DGCR8: variants seen among roughly 807,000 people sequenced by gnomAD.
The protein encoded by DGCR8 is DGCR8 microprocessor complex subunit.
In DGCR8, 14 loss-of-function variants were observed where a neutral mutation model predicts 78.5. That is an observed-to-expected ratio of 0.18 (90% CI 0.12 to 0.28). The LOEUF (loss-of-function observed/expected upper bound fraction) is 0.28. Ranked by LOEUF, DGCR8 falls within the 10% of genes least tolerant of loss-of-function variation. DGCR8 has a pLI of 1.00. For synonymous variants in DGCR8, 399 were observed against 402.4 expected (o/e 0.99, Z 0.10); for missense variants, 702 against 1,022.5 (o/e 0.69, Z 4.28).
At chr22:20,088,406 A>G (rs939976665) in intron 3 of DGCR8, among the ~76,000 whole-genome samples, 1 of 152,308 alleles carries the variant, frequency 6.6e-6, no homozygotes, top group East Asian at 1.9e-4. Flanking sequence ...TCTGGCCTGG[A>G]TGCCTGGATG....
chr22:20,081,607 C>A (rs1474983682), intron 1 of DGCR8, among the ~76,000 whole-genome samples: 2 of 152,228 alleles, frequency 1.3e-5, no homozygotes, highest in African/African-American at 4.8e-5. Context: ...CTTAGACTCT[C>A]TTGTTGTAGC....
In DGCR8 at chr22:20,085,136, C is replaced by A; in HGVS notation, c.-277-551C>A. On this transcript the variant is annotated intron_variant, in intron 1 of 13. Coordinates refer to ENST00000351989, the MANE Select transcript of DGCR8 (RefSeq NM_022720.7). The surrounding 1 kb of genome is among the most constrained non-coding windows in gnomAD (Gnocchi z 6.2). ...CACGCTGCATCACTGTCCCCGTCCACGTGCTACCCTGTGGGCCCAGGAGAG... is the reference window on the plus strand; with the variant it reads ...CACGCTGCATCACTGTCCCCGTCCAAGTGCTACCCTGTGGGCCCAGGAGAG... 1 of 766,942 alleles carries A rather than the reference C, an allele frequency of 1.3e-6. No homozygotes were observed. Among genetic ancestry groups the A allele is most frequent in the Non-Finnish European group, 1.6e-6 (1 of 630,070 alleles). The allele number at this position is 766,942 out of a possible 1,614,324, so 47.5% of individuals were successfully genotyped here.
Position 20,085,883 on chromosome 22 carries a change from A to T in DGCR8, c.-81A>T. 6.7e-7 allele frequency: 1 copy of T among 1,502,570 alleles called. No homozygotes were observed. Among genetic ancestry groups the T allele is most frequent in the Non-Finnish European group, 8.8e-7 (1 of 1,133,608 alleles). The allele number at this position is 1,502,570 out of a possible 1,614,324, so 93.1% of individuals were successfully genotyped here. A position where few individuals can be genotyped will look rare whatever the true frequency, so the allele number is the denominator to read the frequency against. On this transcript the variant is annotated 5_prime_UTR_variant, in exon 2 of 14. Coordinates refer to ENST00000351989, the MANE Select transcript of DGCR8 (RefSeq NM_022720.7). This position sits in a 1 kb window ranked among gnomAD's most constrained non-coding sequence, Gnocchi z 6.2. ...GCAGGACGCGCCCGGGTCTCAGCGG[A>T]CTTGTGCATGTTAGCTGTGTAGATT...
chr22:20,100,751 G>C (rs2049688602), intron 9 of DGCR8: 19 of 985,372 alleles, frequency 1.9e-5, no homozygotes, highest in Non-Finnish European at 2.3e-5. Flanking sequence ...CATGGGGGTG[G>C]GGCATGTGGT....
chr22:20,091,302 C>T (rs1017863364), intron 5 of DGCR8, 133 bp from the exon 6 acceptor site: 14 of 831,376 alleles, frequency 1.7e-5, no homozygotes, highest in Non-Finnish European at 2.7e-5. Context: ...TTCTTTGCTT[C>T]CCTCCCCTTT....
chr22:20,108,810 C>T (rs1485109377), intron 12 of DGCR8, 80 bp from the exon 13 acceptor site: 4 of 902,160 alleles, frequency 4.4e-6, no homozygotes, highest in Non-Finnish European at 7.4e-6. Context: ...TTCAGGGTCC[C>T]AGGCACACAG....
chr22:20,093,679 G>A (rs1356653088), intron 8 of DGCR8, among the ~76,000 whole-genome samples: 1 of 152,226 alleles, frequency 6.6e-6, no homozygotes, highest in East Asian at 1.9e-4. Context: ...TTTGGGCCTA[G>A]CCACACAGAA....
In DGCR8 at chr22:20,087,290, G is replaced by C; in HGVS notation, c.849G>C (p.Pro283=). 2 of 1,613,074 alleles carry C rather than the reference G, an allele frequency of 1.2e-6. No individual in the cohort carries two copies. The highest frequency in any genetic ancestry group is 1.7e-6 in the Non-Finnish European group (2 of 1,179,320). Residue 283 remains proline, a synonymous_variant, in exon 3 of 14, where the codon CCG becomes CCC. Transcript: ENST00000351989. This position sits in a 1 kb window ranked among gnomAD's most constrained non-coding sequence, Gnocchi z 4.1. The part of the protein sequence containing the change: ...HPSDGETSVQ[P]MMTKIKTVLK... ...CCGATGGAGAGACAAGTGTGCAGCC[G>C]ATGATGACCAAGATTAAAACAGTGC... is the stretch of plus-strand genomic sequence containing the variant.
At chr22:20,081,134 G>T (rs1234151553) in intron 1 of DGCR8, among the ~76,000 whole-genome samples, 2 of 152,224 alleles carry the variant, frequency 1.3e-5, no homozygotes, top group Non-Finnish European at 2.9e-5. Flanking sequence ...ACCCAGTGTT[G>T]CCTCTAAGTG....
Position 20,089,544 on chromosome 22 carries a change from G to T in DGCR8, c.881-125G>T, listed in dbSNP as rs560124124. 1.8e-5 allele frequency: 19 copies of T among 1,062,158 alleles called. No homozygotes were observed. The South Asian group carries it at 2.6e-4, about 15-fold the overall frequency. The allele number at this position is 1,062,158 out of a possible 1,614,324, so 65.8% of individuals were successfully genotyped here. ...AGTGAGCAAGGCAGAGAGGAATTTC[G>T]ATTATCTGTGAAGACCCAGTTAAAC... On this transcript the variant is annotated intron_variant, in intron 3 of 13. Coordinates refer to ENST00000351989, the MANE Select transcript of DGCR8 (RefSeq NM_022720.7). This position sits in a 1 kb window ranked among gnomAD's most constrained non-coding sequence, Gnocchi z 4.9.
At chr22:20,091,367 TG>T in intron 5 of DGCR8, 67 bp from the exon 6 acceptor site, 2 of 1,530,412 alleles carry the variant, frequency 1.3e-6, no homozygotes, top group Non-Finnish European at 1.8e-6. Flanking sequence ...CCCCATGCAC[TG>T]GGCTGTGAGA....
Position 20,086,050 on chromosome 22 carries a change from G to T in DGCR8, c.87G>T (p.Ala29=). The T allele has an allele frequency of 6.2e-7, 1 of 1,613,924 alleles. No homozygotes were observed. Among genetic ancestry groups the T allele is most frequent in the South Asian group, 1.1e-5 (1 of 91,082 alleles). The change falls in exon 2 of 14, where the codon GCG becomes GCT. Residue 29 remains alanine, a synonymous_variant. Transcript: ENST00000351989. This position sits in a 1 kb window ranked among gnomAD's most constrained non-coding sequence, Gnocchi z 6.4. The part of the protein sequence containing the change: ...VMESRARPFQ[A]LPREQSPPPP... ...AGAGCCGAGCTCGCCCCTTCCAAGCGCTGCCCCGTGAGCAGTCTCCACCAC... is the reference window on the plus strand; with the variant it reads ...AGAGCCGAGCTCGCCCCTTCCAAGCTCTGCCCCGTGAGCAGTCTCCACCAC...
In DGCR8 at chr22:20,110,353, A is replaced by T. The variant is rs1204599034; in HGVS notation, c.*245A>T. The T allele has an allele frequency of 2.0e-6, 1 of 511,752 alleles. No individual in the cohort carries two copies. Among genetic ancestry groups the T allele is most frequent in the South Asian group, 2.8e-5 (1 of 36,096 alleles). 31.7% of individuals were successfully genotyped at this position (511,752 alleles called of 1,614,324 possible). Reference sequence around the variant, plus strand: ...CTGAATGGATGGACTCAGCGACTGCACCAGTGGCAGCTGGTGACTGTGGAC... The same window carrying T: ...CTGAATGGATGGACTCAGCGACTGCTCCAGTGGCAGCTGGTGACTGTGGAC... On this transcript the variant is annotated 3_prime_UTR_variant, in exon 14 of 14. Coordinates refer to ENST00000351989, the MANE Select transcript of DGCR8 (RefSeq NM_022720.7).
intron 13 of DGCR8, among the ~76,000 whole-genome samples, chr22:20,109,786 G>A (rs957154350): frequency 6.6e-6 from 1 of 152,226 alleles, no homozygotes; most frequent in African/African-American, 2.4e-5. Flanking sequence ...TACATGTCCT[G>A]ATTGCCAGGG....
At chr22:20,090,734 T>A (rs559017787) in intron 5 of DGCR8, among the ~76,000 whole-genome samples, 1 of 152,332 alleles carries the variant, frequency 6.6e-6, no homozygotes, top group East Asian at 1.9e-4. Context: ...TGTTTCCCAT[T>A]CTCTCTTCCA....
At chr22:20,081,631 A>T (rs1344247676) in intron 1 of DGCR8, among the ~76,000 whole-genome samples, 1 of 152,048 alleles carries the variant, frequency 6.6e-6, no homozygotes. Context: ...CTCCTTTGTG[A>T]TGTCACCCAG....
chr22:20,090,200 C>T lies in DGCR8; in HGVS notation c.1248C>T (p.Ala416=), dbSNP rs764017771. The T allele has an allele frequency of 8.7e-6, 14 of 1,612,672 alleles. No homozygotes were observed. The highest frequency in any genetic ancestry group is 3.3e-5 in the South Asian group (3 of 90,930). ...AAGACCCACTAGGGGCTGAGGCAGC[C>T]CCTGGGGCCCTGGGGCAGGTGAAGG... ...DEKDPLGAEA[A]PGALGQVKAK... is the part of the protein sequence containing the mutation. Residue 416 remains alanine (A), a synonymous_variant, in exon 5 of 14, where the codon GCC becomes GCT. Coordinates refer to ENST00000351989, the MANE Select transcript of DGCR8 (RefSeq NM_022720.7).
chr22:20,089,897 C>A lies in DGCR8; in HGVS notation c.1024-79C>A. The A allele has an allele frequency of 3.8e-6, 6 of 1,589,226 alleles. No individual in the cohort carries two copies. The highest frequency in any genetic ancestry group is 5.1e-6 in the Non-Finnish European group (6 of 1,165,444). ...CCACACACATGGCACCGCAGCCAAG[C>A]AGAGGCCGGTGAAAGGCATCAGAGT... On this transcript the variant is annotated intron_variant, in intron 4 of 13. Coordinates refer to ENST00000351989, the MANE Select transcript of DGCR8 (RefSeq NM_022720.7). This position sits in a 1 kb window ranked among gnomAD's most constrained non-coding sequence, Gnocchi z 4.9.
At position 20,089,326 on chromosome 22, in the gene DGCR8, C is replaced by T. The variant is rs2049525902; in HGVS notation, c.881-343C>T. On this transcript the variant is annotated intron_variant, in intron 3 of 13. Transcript: ENST00000351989. The surrounding 1 kb of genome is among the most constrained non-coding windows in gnomAD (Gnocchi z 4.9). ...TAGCAAAGCTCATCCAGCCCCAAGG[C>T]GCCTCTGGCCACAACCAGACAGGCA... Among the ~76,000 whole-genome samples the T allele has an allele frequency of 6.6e-6, 1 of 152,206 alleles. No homozygotes were observed. The highest frequency in any genetic ancestry group is 1.5e-5 in the Non-Finnish European group (1 of 68,040).
Sources: gnomAD v4.1 joint callset for allele counts (sites outside exome capture counted in the v4.1 genomes callset) on GRCh38, gnomAD v4.1.1 for gene constraint, Gnocchi (gnomAD v3.1) non-coding constraint, MANE v1.5 for transcripts, NCBI Gene and HGNC (gene_info 2026-07-23, HGNC 2026-07-21) for gene names.